PRKN: variants seen among roughly 807,000 people sequenced by gnomAD.
PRKN encodes parkin RBR E3 ubiquitin protein ligase.
Under a neutral mutation model 59.5 loss-of-function variants are expected in PRKN, and 56 were observed. That is an observed-to-expected ratio of 0.94 (90% CI 0.76 to 1.18). The LOEUF is 1.18. PRKN is among the 50% of genes most tolerant of loss of function. The pLI is 0.00. For missense variants in PRKN, 657 were observed against 596.4 expected, an observed-to-expected ratio of 1.10 and a Z score of -1.06; for synonymous variants, 250 against 222.1, an observed-to-expected ratio of 1.13 and a Z score of -1.12.
intron 1 of PRKN, among the ~76,000 whole-genome samples, chr6:162,678,680 T>C (rs1425624708): frequency 6.6e-6 from 1 of 152,206 alleles, no homozygotes; most frequent in African/African-American, 2.4e-5. Context: ...GTTCTTTAAA[T>C]AGTCTAAATA....
At chr6:161,771,947 A>G (rs532668501) in intron 7 of PRKN, among the ~76,000 whole-genome samples, 1 of 152,302 alleles carries the variant, frequency 6.6e-6, no homozygotes, top group East Asian at 1.9e-4. Flanking sequence ...AGCAATTTCT[A>G]TGCATGAAGT....
At chr6:162,348,538 T>C (rs1424295355) in intron 2 of PRKN, among the ~76,000 whole-genome samples, 1 of 151,992 alleles carries the variant, frequency 6.6e-6, no homozygotes, top group Non-Finnish European at 1.5e-5. Context: ...GAAGAACAAA[T>C]TAAATCCAAA....
At position 162,441,073 on chromosome 6, in the gene PRKN, C is replaced by T. The variant is rs77223015; in HGVS notation, c.171+2237G>A. Among the ~76,000 whole-genome samples the T allele has an allele frequency of 2.8e-3, 418 of 151,996 alleles. 2 individuals carry two copies. The highest frequency in any genetic ancestry group is 4.9e-3 in the Admixed American group (75 of 15,236). ...TTAATAGAAGTTCCATAAGTATGAA[C>T]CTTTCTTTTTCAGTGTCCTCAGACA... On this transcript the variant is annotated intron_variant, in intron 2 of 11. Coordinates refer to ENST00000366898, the MANE Select transcript of PRKN (RefSeq NM_004562.3).
At position 161,433,477 on chromosome 6, in the gene PRKN, C is replaced by T. The variant is rs200972892; in HGVS notation, c.1084-46600G>A. Among the ~76,000 whole-genome samples, 13 of 152,182 alleles carry T rather than the reference C, an allele frequency of 8.5e-5. No homozygotes were observed. In the East Asian group the frequency reaches 2.5e-3, roughly 29 times the overall value. On this transcript the variant is annotated intron_variant, in intron 9 of 11. Coordinates refer to ENST00000366898, the MANE Select transcript of PRKN (RefSeq NM_004562.3). ...AATTCTAGAAATTAAAAATTAAAGGCTTTGTACATATTTTCATTACAGAAA... is the reference window on the plus strand; with the variant it reads ...AATTCTAGAAATTAAAAATTAAAGGTTTTGTACATATTTTCATTACAGAAA...
At chr6:161,823,513 C>T (rs549771326) in intron 6 of PRKN, among the ~76,000 whole-genome samples, 9 of 151,954 alleles carry the variant, frequency 5.9e-5, no homozygotes, top group Non-Finnish European at 1.2e-4. Flanking sequence ...TTCAAGTTAC[C>T]CTAGGAGAAG....
intron 2 of PRKN, among the ~76,000 whole-genome samples, chr6:162,349,474 CAAAT>C (rs1215759807): frequency 6.6e-6 from 1 of 151,972 alleles, no homozygotes; most frequent in Non-Finnish European, 1.5e-5. Flanking sequence ...CTCAAACAAA[CAAAT>C]AAACAAACAA....
At chr6:161,972,641 A>G (rs527994870) in intron 6 of PRKN, among the ~76,000 whole-genome samples, 1 of 152,356 alleles carries the variant, frequency 6.6e-6, no homozygotes, top group East Asian at 1.9e-4. Flanking sequence ...GCGAAGCCTC[A>G]GCATAAATAT....
At chr6:162,443,664 G>A (rs1200215018) in intron 1 of PRKN, among the ~76,000 whole-genome samples, 191 bp from the exon 2 acceptor site, 1 of 152,158 alleles carries the variant, frequency 6.6e-6, no homozygotes, top group East Asian at 1.9e-4. Flanking sequence ...AGTTACCCAC[G>A]AGATTTCCCT....
chr6:162,187,344 C>T (rs1177912112), intron 4 of PRKN, among the ~76,000 whole-genome samples: 1 of 152,162 alleles, frequency 6.6e-6, no homozygotes, highest in African/African-American at 2.4e-5. Flanking sequence ...TTTCACACTT[C>T]CTACACTTGA....
chr6:161,877,237 C>G (rs1794763216), intron 6 of PRKN, among the ~76,000 whole-genome samples: 1 of 152,076 alleles, frequency 6.6e-6, no homozygotes, highest in Non-Finnish European at 1.5e-5. Flanking sequence ...GTCCCCCACT[C>G]CAGCCACGGC....
chr6:162,683,171 G>T (rs571497860), intron 1 of PRKN, among the ~76,000 whole-genome samples: 1 of 152,114 alleles, frequency 6.6e-6, no homozygotes, highest in Admixed American at 6.6e-5. Context: ...ACAGTGAAGC[G>T]GGGAGGACTT....
chr6:162,268,750 GTTCA>G (rs1187962712), intron 2 of PRKN, among the ~76,000 whole-genome samples: 2 of 152,156 alleles, frequency 1.3e-5, no homozygotes, highest in Non-Finnish European at 2.9e-5. Context: ...CTCTGCTGGT[GTTCA>G]TTGACTCTGC....
intron 6 of PRKN, among the ~76,000 whole-genome samples, chr6:161,809,988 G>A (rs969704441): frequency 5.3e-5 from 8 of 152,250 alleles, no homozygotes; most frequent in Admixed American, 3.3e-4. Flanking sequence ...TTTATAATGA[G>A]TATTCATACT....
chr6:161,392,647 A>G (rs954537802), intron 9 of PRKN, among the ~76,000 whole-genome samples: 7 of 151,920 alleles, frequency 4.6e-5, no homozygotes, highest in African/African-American at 1.5e-4. Flanking sequence ...CTTTCATTTG[A>G]CAATAAACAT....
At chr6:162,378,950 C>G (rs912115152) in intron 2 of PRKN, among the ~76,000 whole-genome samples, 16 of 152,142 alleles carry the variant, frequency 1.1e-4, no homozygotes, top group Non-Finnish European at 2.9e-5. Flanking sequence ...TTAATGGAAG[C>G]TTGGTAGTGA....
At chr6:162,402,826 T>C (rs1037796096) in intron 2 of PRKN, among the ~76,000 whole-genome samples, 1 of 152,108 alleles carries the variant, frequency 6.6e-6, no homozygotes, top group African/African-American at 2.4e-5. Context: ...TGATTGTTTT[T>C]TAGCTTTCTT....
At chr6:162,361,399 A>T (rs1327068388) in intron 2 of PRKN, among the ~76,000 whole-genome samples, 1 of 152,098 alleles carries the variant, frequency 6.6e-6, no homozygotes, top group Admixed American at 6.6e-5. Flanking sequence ...AAAGCTTGAT[A>T]AGATGAAAAA....
At chr6:161,492,503 T>C (rs1387796649) in intron 9 of PRKN, among the ~76,000 whole-genome samples, 1 of 152,260 alleles carries the variant, frequency 6.6e-6, no homozygotes, top group Non-Finnish European at 1.5e-5. Flanking sequence ...AATGCTGTTT[T>C]GGGCTGAAGA....
At chr6:161,923,790 A>C (rs1778867778) in intron 6 of PRKN, among the ~76,000 whole-genome samples, 1 of 152,162 alleles carries the variant, frequency 6.6e-6, no homozygotes, top group African/African-American at 2.4e-5. Flanking sequence ...ACAATCACGA[A>C]GTTCAGCTGG....
Sources: gnomAD v4.1 joint callset for allele counts (sites outside exome capture counted in the v4.1 genomes callset) on GRCh38, gnomAD v4.1.1 for gene constraint, MANE v1.5 for transcripts, NCBI Gene and HGNC (gene_info 2026-07-23, HGNC 2026-07-21) for gene names.